ANO4: variants seen among roughly 807,000 people sequenced by gnomAD.
The protein encoded by ANO4 is anoctamin 4, also known as anoctamin-4.
A neutral mutation model predicts 141.9 loss-of-function variants in ANO4; 69 were observed. The observed-to-expected ratio is 0.49, with a 90% confidence interval of 0.40 to 0.59. The LOEUF (loss-of-function observed/expected upper bound fraction) is 0.59, where lower values mean the gene tolerates loss of function less well. Ranked by LOEUF, ANO4 falls within the 20% of genes least tolerant of loss-of-function variation. The pLI, the probability that ANO4 is intolerant of heterozygous loss-of-function variation, is 0.00. For synonymous variants in ANO4, 350 were observed against 394.3 expected (o/e 0.89, Z 1.33); for missense variants, 894 against 1,162.2 (o/e 0.77, Z 3.36).
intron 22 of ANO4, among the ~76,000 whole-genome samples, chr12:101,104,627 G>GTGTGTATA (rs1297866922): frequency 3.2e-5 from 2 of 62,054 alleles, no homozygotes; most frequent in Non-Finnish European, 5.8e-5. Context: ...ATGTATGTGT[G>GTGTGTATA]TATATATATA....
chr12:100,896,282 C>T (rs1565982486), intron 1 of ANO4, among the ~76,000 whole-genome samples: 4 of 152,104 alleles, frequency 2.6e-5, no homozygotes, highest in African/African-American at 7.3e-5. Context: ...TCACAACCAG[C>T]GTCCTTATAA....
intron 9 of ANO4, among the ~76,000 whole-genome samples, chr12:101,029,990 G>A (rs2046910392): frequency 6.7e-6 from 1 of 148,646 alleles, no homozygotes; most frequent in African/African-American, 2.5e-5. Flanking sequence ...CAAGTTCTTA[G>A]AGACCTACAA....
At chr12:101,119,704 A>C (rs1241236933) in intron 25 of ANO4, among the ~76,000 whole-genome samples, 2 of 152,198 alleles carry the variant, frequency 1.3e-5, no homozygotes, top group East Asian at 3.8e-4. Context: ...AGACAAATGC[A>C]TATACATATA....
intron 5 of ANO4, among the ~76,000 whole-genome samples, chr12:100,954,658 A>G (rs1453108415): frequency 6.6e-6 from 1 of 152,176 alleles, no homozygotes; most frequent in East Asian, 1.9e-4. Flanking sequence ...ATTTGAGGCT[A>G]TGCTAGCCCC....
Position 100,955,836 on chromosome 12 carries a change from A to T in ANO4, c.456+13301A>T, listed in dbSNP as rs77760959. ...AAGTCAGAAAGTAGAAGGGCATGGC[A>T]TTCCAGATGGGAAACAACATAAACG... On this transcript the variant is annotated intron_variant, in intron 5 of 27. Transcript: ENST00000392977. Among the ~76,000 whole-genome samples, 483 of 152,314 alleles carry T rather than the reference A, an allele frequency of 3.2e-3. 5 individuals carry two copies. The highest frequency in any genetic ancestry group is 0.011 in the African/African-American group (469 of 41,568).
In ANO4 at chr12:100,888,716, G is replaced by A. The variant is rs188757257; in HGVS notation, c.-140-12930G>A. Among the ~76,000 whole-genome samples, 37 of 152,290 alleles carry A rather than the reference G, an allele frequency of 2.4e-4. 2 individuals carry two copies. The highest frequency in any genetic ancestry group is 1.1e-3 in the Admixed American group (17 of 15,296). ...GGAGAATGGATTTGAAGTAGGTGGA[G>A]GCCCACAAAACGTCACCAGCACAGG... On this transcript the variant is annotated intron_variant, in intron 1 of 27. Coordinates refer to ENST00000392977, the MANE Select transcript of ANO4 (RefSeq NM_001286615.2).
intron 1 of ANO4, among the ~76,000 whole-genome samples, chr12:100,883,506 A>G (rs575167362): frequency 3.9e-4 from 60 of 152,268 alleles, no homozygotes; most frequent in Non-Finnish European, 8.2e-4. Flanking sequence ...GAGATAGCCT[A>G]CTGATAAAGT....
Position 101,079,290 on chromosome 12 carries a change from C to A in ANO4, c.1395+15C>A, listed in dbSNP as rs1166350702. The A allele has an allele frequency of 1.2e-6, 2 of 1,605,764 alleles. No homozygotes were observed. The highest frequency in any genetic ancestry group is 2.7e-5 in the African/African-American group (2 of 74,532). On this transcript the variant is annotated intron_variant, in intron 15 of 27. Transcript: ENST00000392977. The stretch of plus-strand genomic sequence containing the variant: ...AAGAAGAGGAGGTTTGTATCATTTA[C>A]CTCAGAATGTTGTAAAAAGCAAATC...
intron 1 of ANO4, among the ~76,000 whole-genome samples, chr12:100,828,171 T>A (rs1206330558): frequency 6.6e-6 from 1 of 152,086 alleles, no homozygotes; most frequent in Admixed American, 6.6e-5. Context: ...CTTCAGACCA[T>A]TTCATTATTT....
intron 9 of ANO4, among the ~76,000 whole-genome samples, chr12:101,026,489 A>G (rs908661544): frequency 1.3e-5 from 2 of 152,146 alleles, no homozygotes; most frequent in African/African-American, 4.8e-5. Flanking sequence ...ATCCAGTCAA[A>G]TTCCCAGAAG....
rs139346110 is a variant in ANO4 at position 100,768,192 on chromosome 12, G to C, written c.358+28087G>C. Reference sequence around the variant, plus strand: ...ATCCTGGGGCCATAGGGGCTGGCCTGGTGCCAGGTTTCACTGGTGCTAGGG... The same window carrying C: ...ATCCTGGGGCCATAGGGGCTGGCCTCGTGCCAGGTTTCACTGGTGCTAGGG... On this transcript the variant is annotated intron_variant, in intron 3 of 29. Coordinates refer to the ANO4 transcript ENST00000644049. 8.0e-3 allele frequency among the ~76,000 whole-genome samples: 1,216 copies of C among 152,330 alleles called. 18 individuals are homozygous for C. The highest frequency in any genetic ancestry group is 0.027 in the African/African-American group (1,143 of 41,564).
At chr12:100,738,935 T>G (rs879723654) in intron 2 of ANO4, among the ~76,000 whole-genome samples, 3 of 151,060 alleles carry the variant, frequency 2.0e-5, no homozygotes, top group Non-Finnish European at 4.4e-5. Context: ...AATTACAACT[T>G]GGTACTTTTT....
At chr12:101,033,849 A>C (rs759462625) in intron 9 of ANO4, among the ~76,000 whole-genome samples, 20 of 152,248 alleles carry the variant, frequency 1.3e-4, no homozygotes, top group Non-Finnish European at 2.2e-4. Flanking sequence ...GAGACTTCTC[A>C]AAAGAAGACA....
intron 26 of ANO4, among the ~76,000 whole-genome samples, chr12:101,122,466 G>C (rs940872433): frequency 1.3e-5 from 2 of 152,170 alleles, no homozygotes; most frequent in Non-Finnish European, 2.9e-5. Context: ...GCCCAGGCCA[G>C]TATTGAGAAG....
chr12:100,931,533 C>G lies in ANO4; in HGVS notation c.161-7782C>G, dbSNP rs78793514. ...GTCACTTACTAGCTGCATGGCCACA[C>G]TTAGCATTTCTGAACCTGGCTTCTT... On this transcript the variant is annotated intron_variant, in intron 3 of 27. Transcript: ENST00000392977. Among the ~76,000 whole-genome samples, 1,161 of 152,260 alleles carry G rather than the reference C, an allele frequency of 7.6e-3. 15 individuals carry two copies. Among genetic ancestry groups the G allele is most frequent in the African/African-American group, 0.026 (1,097 of 41,574 alleles).
At chr12:100,956,171 G>A (rs1201700105) in intron 5 of ANO4, among the ~76,000 whole-genome samples, 1 of 152,054 alleles carries the variant, frequency 6.6e-6, no homozygotes, top group Non-Finnish European at 1.5e-5. Context: ...CCATCACACT[G>A]TACTTATATT....
At chr12:100,916,841 A>G (rs2041364033) in intron 2 of ANO4, among the ~76,000 whole-genome samples, 1 of 152,180 alleles carries the variant, frequency 6.6e-6, no homozygotes, top group Non-Finnish European at 1.5e-5. Flanking sequence ...TTTGCTAATC[A>G]AGAAACTTAT....
chr12:100,908,650 A>G (rs185970967), intron 2 of ANO4, among the ~76,000 whole-genome samples: 102 of 152,336 alleles, frequency 6.7e-4, no homozygotes, highest in Admixed American at 3.7e-3. Flanking sequence ...TTGGGAAATT[A>G]TGGAAGAGCT....
intron 14 of ANO4, among the ~76,000 whole-genome samples, chr12:101,051,641 T>C (rs182663652): frequency 6.6e-6 from 1 of 152,200 alleles, no homozygotes; most frequent in Non-Finnish European, 1.5e-5. Flanking sequence ...GCATTGCCCA[T>C]GTATCATCTC....
Sources: allele counts gnomAD v4.1 joint callset (sites outside exome capture counted in the v4.1 genomes callset), GRCh38; gene constraint gnomAD v4.1.1; transcripts MANE v1.5; gene names NCBI Gene and HGNC (gene_info 2026-07-23, HGNC 2026-07-21).